The following PHACTR2 variants were observed in gnomAD, a reference collection of about 807,000 sequenced individuals.
The protein encoded by PHACTR2 is chromosome 6 open reading frame 56.
In PHACTR2, 30 loss-of-function variants were observed where a neutral mutation model predicts 76.0. That is an observed-to-expected ratio of 0.39 (90% CI 0.30 to 0.54). The LOEUF is 0.54. Among genes scored for constraint, PHACTR2 ranks in the 20% least tolerant of loss-of-function variants. The pLI, the probability that PHACTR2 is intolerant of heterozygous loss-of-function variation, is 0.61. For synonymous variants in PHACTR2, 292 were observed against 292.5 expected (o/e 1.00, Z 0.02); for missense variants, 696 against 781.1 (o/e 0.89, Z 1.30).
intron 1 of PHACTR2, among the ~76,000 whole-genome samples, chr6:143,690,788 G>A (rs990831817): frequency 6.6e-6 from 1 of 152,152 alleles, no homozygotes; most frequent in Non-Finnish European, 1.5e-5. Flanking sequence ...AAGTTTTGTG[G>A]TACATAGACT....
In PHACTR2 at chr6:143,695,169, T is replaced by C. The variant is rs1777743782; in HGVS notation, c.47-16847T>C. Among the ~76,000 whole-genome samples, 1 of 152,220 alleles carries C rather than the reference T, an allele frequency of 6.6e-6. No homozygotes were observed. The highest frequency in any genetic ancestry group is 1.5e-5 in the Non-Finnish European group (1 of 68,032). ...TTGAGATGGCGAGATACAAGCATTC[T>C]ACAAAGGCTGCAAACAAGACTCACT... On this transcript the variant is annotated intron_variant, in intron 1 of 12. Transcript: ENST00000440869. This position sits in a 1 kb window ranked among gnomAD's most constrained non-coding sequence, Gnocchi z 4.4.
At chr6:143,577,144 T>C (rs1408113789) in intron 1 of PHACTR2, among the ~76,000 whole-genome samples, 1 of 152,192 alleles carries the variant, frequency 6.6e-6, no homozygotes, top group Non-Finnish European at 1.5e-5. Context: ...AAGTTATATT[T>C]TAAGAACACC....
Position 143,652,009 on chromosome 6 carries a change from G to A in PHACTR2, c.13+43687G>A, listed in dbSNP as rs182338126. Among the ~76,000 whole-genome samples the A allele has an allele frequency of 1.5e-4, 23 of 150,874 alleles. No homozygotes were observed. The highest frequency in any genetic ancestry group is 2.7e-4 in the Non-Finnish European group (18 of 67,846). On this transcript the variant is annotated intron_variant, in intron 1 of 11. Transcript: ENST00000305766. The surrounding 1 kb of genome is among the most constrained non-coding windows in gnomAD (Gnocchi z 4.5). ...CTCAGAAGAAACCAAATCAACTGAT[G>A]CCTTCATCTTGGATTTCTAGCCTCC...
At chr6:143,702,773 C>CTTTTTTTTTTTTT (rs1190039194) in intron 1 of PHACTR2, among the ~76,000 whole-genome samples, 1 of 100,136 alleles carries the variant, frequency 1.0e-5, no homozygotes. Context: ...ATATATACAA[C>CTTTTTTTTTTTTT]TTTTTTTTTT....
At position 143,653,172 on chromosome 6, in the gene PHACTR2, G is replaced by T. The variant is rs989700004; in HGVS notation, c.13+44850G>T. On this transcript the variant is annotated intron_variant, in intron 1 of 11. Coordinates refer to the PHACTR2 transcript ENST00000305766. The surrounding 1 kb of genome is among the most constrained non-coding windows in gnomAD (Gnocchi z 4.9). The stretch of plus-strand genomic sequence containing the variant: ...TTGAACTTTGGCCCTCTGGAAACAA[G>T]GCCAGTCGCAAGACACGTCAGGAAG... Among the ~76,000 whole-genome samples the T allele has an allele frequency of 6.6e-6, 1 of 152,172 alleles. No homozygotes were observed. The highest frequency in any genetic ancestry group is 2.4e-5 in the African/African-American group (1 of 41,450).
intron 1 of PHACTR2, among the ~76,000 whole-genome samples, chr6:143,704,894 T>A (rs1778011607): frequency 6.6e-6 from 1 of 152,108 alleles, no homozygotes; most frequent in South Asian, 2.1e-4. Flanking sequence ...AGTGGCGCGA[T>A]CTCGGCTCAC....
chr6:143,783,166 T>A lies in PHACTR2; in HGVS notation c.1646-53T>A. 1.8e-6 allele frequency: 2 copies of A among 1,099,864 alleles called. No individual in the cohort carries two copies. The highest frequency in any genetic ancestry group is 2.6e-5 in the South Asian group (2 of 76,498). The allele number at this position is 1,099,864 out of a possible 1,614,324, so 68.1% of individuals were successfully genotyped here. On this transcript the variant is annotated intron_variant, in intron 9 of 12. Coordinates refer to ENST00000440869, the MANE Select transcript of PHACTR2 (RefSeq NM_001100164.2). The surrounding 1 kb of genome is among the most constrained non-coding windows in gnomAD (Gnocchi z 5.2). ...TCGTGGCCTGATACACTTTTCTGAATATGAAATCATCTATAGTAACTGTCA... is the reference window on the plus strand; with the variant it reads ...TCGTGGCCTGATACACTTTTCTGAAAATGAAATCATCTATAGTAACTGTCA...
At chr6:143,701,872 C>G (rs1777921198) in intron 1 of PHACTR2, among the ~76,000 whole-genome samples, 1 of 152,146 alleles carries the variant, frequency 6.6e-6, no homozygotes, top group Admixed American at 6.5e-5. Flanking sequence ...CTGATACACT[C>G]AGCACAAAGC....
intron 1 of PHACTR2, among the ~76,000 whole-genome samples, chr6:143,545,337 A>G (rs1387582682): frequency 6.6e-6 from 1 of 152,194 alleles, no homozygotes; most frequent in Non-Finnish European, 1.5e-5. Context: ...ATGGAAGTGA[A>G]GAGTGAAAAG....
intron 1 of PHACTR2, among the ~76,000 whole-genome samples, chr6:143,560,882 G>GGGGGT (rs1467042988): frequency 1.1e-4 from 14 of 133,016 alleles, no homozygotes; most frequent in African/African-American, 1.5e-4. Context: ...AAAGCAGAGG[G>GGGGGT]GTGTGTGTGT....
rs1554228167 is a variant in PHACTR2 at position 143,783,039 on chromosome 6, G to GTGTGTGTA, written c.1646-173_1646-172insATGTGTGT. Among the ~76,000 whole-genome samples the GTGTGTGTA allele has an allele frequency of 4.0e-5, 6 of 148,584 alleles. No individual in the cohort carries two copies. The highest frequency in any genetic ancestry group is 1.3e-4 in the African/African-American group (5 of 39,468). On this transcript the variant is annotated intron_variant, in intron 9 of 12. Transcript: ENST00000440869. This position sits in a 1 kb window ranked among gnomAD's most constrained non-coding sequence, Gnocchi z 5.2. ...TGTGTGTGTGTGTGTGTGTGTGTAT[G>GTGTGTGTA]TGTGTGTGTGTGTAAGATGATCAAC...
intron 3 of PHACTR2, among the ~76,000 whole-genome samples, 153 bp downstream of exon 3, chr6:143,749,218 T>C (rs184004246): frequency 6.6e-6 from 1 of 152,316 alleles, no homozygotes; most frequent in Admixed American, 6.5e-5. Context: ...GGTAATGCCT[T>C]TGTGAGCTGC....
chr6:143,631,497 C>A (rs1776362439), intron 1 of PHACTR2, among the ~76,000 whole-genome samples: 1 of 152,114 alleles, frequency 6.6e-6, no homozygotes, highest in Non-Finnish European at 1.5e-5. Context: ...CCTGGCCAGG[C>A]AAGCTTTTTT....
rs9399446 is a variant in PHACTR2, at chr6:143,553,502, G to C, written c.217+16295G>C. ...GAAGTCAGGCTCCCACCCTCCCACA[G>C]AGGCTGGAGACAGGAGCCCCATCTT... is the stretch of plus-strand genomic sequence containing the variant. On this transcript the variant is annotated intron_variant, in intron 1 of 11. Transcript: ENST00000367584. The surrounding 1 kb of genome is among the most constrained non-coding windows in gnomAD (Gnocchi z 4.2). Among the ~76,000 whole-genome samples, 89,161 of 152,064 alleles carry C rather than the reference G, an allele frequency of 0.59. 27,073 individuals are homozygous for C. The highest frequency in any genetic ancestry group is 0.7 in the Middle Eastern group (206 of 294).
rs945730250 is a variant in PHACTR2 at position 143,684,882 on chromosome 6, A to G, written c.46+6673A>G. Among the ~76,000 whole-genome samples the G allele has an allele frequency of 1.3e-5, 2 of 152,218 alleles. No homozygotes were observed. The highest frequency in any genetic ancestry group is 2.4e-5 in the African/African-American group (1 of 41,456). On this transcript the variant is annotated intron_variant, in intron 1 of 12. Coordinates refer to ENST00000440869, the MANE Select transcript of PHACTR2 (RefSeq NM_001100164.2). The surrounding 1 kb of genome is among the most constrained non-coding windows in gnomAD (Gnocchi z 4.3). The stretch of plus-strand genomic sequence containing the variant: ...AATTTTTTAGACTCTTTGTAAATCT[A>G]TATGTAAAAAATGGCATCTTATTTT...
At chr6:143,560,882 G>GGGGTGTGT (rs1467042988) in intron 1 of PHACTR2, among the ~76,000 whole-genome samples, 28 of 133,094 alleles carry the variant, frequency 2.1e-4, no homozygotes, top group African/African-American at 6.7e-4. Flanking sequence ...AAAGCAGAGG[G>GGGGTGTGT]GTGTGTGTGT....
rs774823467 is a variant in PHACTR2 at position 143,697,695 on chromosome 6, T to C, written c.47-14321T>C. Among the ~76,000 whole-genome samples the C allele has an allele frequency of 3.3e-5, 5 of 152,260 alleles. No individual in the cohort carries two copies. The highest frequency in any genetic ancestry group is 7.3e-5 in the Non-Finnish European group (5 of 68,046). ...TATTTGGAATTCTACAGGAAGGCAC[T>C]GTTGGAAACAATTTCCTCTGTGAAA... On this transcript the variant is annotated intron_variant, in intron 1 of 12. Transcript: ENST00000440869. The surrounding 1 kb of genome is among the most constrained non-coding windows in gnomAD (Gnocchi z 4.4).
Position 143,624,771 on chromosome 6 carries a change from A to G in PHACTR2, c.13+16449A>G, listed in dbSNP as rs950806090. Among the ~76,000 whole-genome samples, 1 of 152,130 alleles carries G rather than the reference A, an allele frequency of 6.6e-6. No individual in the cohort carries two copies. The highest frequency in any genetic ancestry group is 1.5e-5 in the Non-Finnish European group (1 of 68,042). On this transcript the variant is annotated intron_variant, in intron 1 of 11. Transcript: ENST00000305766. This position sits in a 1 kb window ranked among gnomAD's most constrained non-coding sequence, Gnocchi z 4.6. ...AGGCTGAGTGTGTAAAGGCTTGGCC[A>G]GGATGGTAAAGCTGCGTTTGTCATT...
At position 143,739,941 on chromosome 6, in the gene PHACTR2, C is replaced by A. The variant is rs528334779; in HGVS notation, c.215-9044C>A. 6.6e-6 allele frequency among the ~76,000 whole-genome samples: 1 copy of A among 152,170 alleles called. No individual in the cohort carries two copies. The highest frequency in any genetic ancestry group is 2.1e-4 in the South Asian group (1 of 4,824). ...TACAGGAACTGGGTCCTGCTCAAGACCCCAAGAGAGGGTTCTTGGATCTCG... is the reference window on the plus strand; with the variant it reads ...TACAGGAACTGGGTCCTGCTCAAGAACCCAAGAGAGGGTTCTTGGATCTCG... On this transcript the variant is annotated intron_variant, in intron 2 of 12. Transcript: ENST00000440869. This position sits in a 1 kb window ranked among gnomAD's most constrained non-coding sequence, Gnocchi z 4.3.
Sources: gnomAD v4.1 joint callset for allele counts (sites outside exome capture counted in the v4.1 genomes callset) on GRCh38, gnomAD v4.1.1 for gene constraint, Gnocchi (gnomAD v3.1) non-coding constraint, MANE v1.5 for transcripts, NCBI Gene and HGNC (gene_info 2026-07-23, HGNC 2026-07-21) for gene names.